The following DDX46 variants were observed in gnomAD, a reference collection of about 807,000 sequenced individuals.
DDX46 encodes probable ATP-dependent RNA helicase DDX46.
In DDX46, 30 loss-of-function variants were observed where a neutral mutation model predicts 134.9. The observed-to-expected ratio is 0.22, with a 90% CI of 0.17 to 0.30. DDX46 has a LOEUF of 0.30. Among genes scored for constraint, DDX46 ranks in the 10% least tolerant of loss-of-function variants. DDX46 has a pLI of 1.00. For synonymous variants in DDX46, 415 were observed against 404.1 expected (o/e 1.03, Z -0.32); for missense variants, 622 against 1,248.7 (o/e 0.50, Z 7.56).
intron 1 of DDX46, among the ~76,000 whole-genome samples, chr5:134,759,323 C>T (rs143386385): frequency 1.3e-5 from 2 of 152,310 alleles, no homozygotes; most frequent in African/African-American, 4.8e-5. Flanking sequence ...CGACTCCTGT[C>T]ATTCTGTATT....
intron 16 of DDX46, 118 bp downstream of exon 16, chr5:134,808,059 T>TA: frequency 1.1e-6 from 1 of 939,634 alleles, no homozygotes; most frequent in Non-Finnish European, 1.5e-6. Flanking sequence ...TTAATCCACA[T>TA]AATGTGAAGA....
chr5:134,813,764 C>T (rs565200980), intron 18 of DDX46, among the ~76,000 whole-genome samples: 2 of 151,996 alleles, frequency 1.3e-5, no homozygotes, highest in Non-Finnish European at 2.9e-5. Flanking sequence ...TATGGGTGCA[C>T]CACCATGCCC....
chr5:134,766,713 C>T (rs1236592580), intron 2 of DDX46, among the ~76,000 whole-genome samples: 1 of 152,158 alleles, frequency 6.6e-6, no homozygotes, highest in Non-Finnish European at 1.5e-5. Flanking sequence ...AGGTGTGAGA[C>T]TTTGTCTTTA....
chr5:134,800,794 G>C (rs1443081536), intron 15 of DDX46, among the ~76,000 whole-genome samples: 3 of 152,112 alleles, frequency 2.0e-5, no homozygotes, highest in Admixed American at 2.0e-4. Context: ...TCCTGCCTCA[G>C]CCTCCTAAGT....
chr5:134,815,155 A>G (rs1360860188), intron 18 of DDX46, among the ~76,000 whole-genome samples: 2 of 152,202 alleles, frequency 1.3e-5, no homozygotes, highest in Non-Finnish European at 2.9e-5. Flanking sequence ...AGGCCGAGAT[A>G]TGAGGAACCC....
chr5:134,820,839 TTAGAG>T (rs1755422235), intron 21 of DDX46, among the ~76,000 whole-genome samples: 1 of 151,810 alleles, frequency 6.6e-6, no homozygotes, highest in African/African-American at 2.4e-5. Flanking sequence ...CTTTTTTGTG[TTAGAG>T]TAATCTTTTC....
chr5:134,827,412 T>C, intron 22 of DDX46, among the ~76,000 whole-genome samples: 1 of 152,094 alleles, frequency 6.6e-6, no homozygotes, highest in East Asian at 1.9e-4. Flanking sequence ...GTAGCTGGGA[T>C]TACAGGCGCA....
intron 15 of DDX46, among the ~76,000 whole-genome samples, chr5:134,801,454 A>G (rs1754825856): frequency 2.0e-5 from 3 of 151,744 alleles, no homozygotes; most frequent in Admixed American, 1.3e-4. Context: ...GTACAGTGGC[A>G]CTCTCTCAGC....
chr5:134,794,048 G>C (rs1175456091), intron 13 of DDX46, among the ~76,000 whole-genome samples: 2 of 152,194 alleles, frequency 1.3e-5, no homozygotes, highest in African/African-American at 2.4e-5. Flanking sequence ...TTCAGCTTGA[G>C]AGGTCCGGGC....
At chr5:134,777,455 A>G (rs1425517155) in intron 5 of DDX46, 119 bp from the exon 6 acceptor site, 1 of 1,097,922 alleles carries the variant, frequency 9.1e-7, no homozygotes, top group African/African-American at 1.6e-5. Flanking sequence ...TGGCTGGAGT[A>G]ATTGGAAAAG....
At chr5:134,762,464 CA>C (rs1313707765) in intron 1 of DDX46, among the ~76,000 whole-genome samples, 2 of 151,950 alleles carry the variant, frequency 1.3e-5, no homozygotes, top group Non-Finnish European at 1.5e-5. Context: ...TGCGGTGGCT[CA>C]TGCCTGTAAT....
chr5:134,771,421 G>A (rs557978481), intron 4 of DDX46, among the ~76,000 whole-genome samples: 8 of 138,564 alleles, frequency 5.8e-5, no homozygotes, highest in Admixed American at 2.1e-4. Flanking sequence ...GGCCAGGCAC[G>A]GTGGCTCACG....
chr5:134,818,491 C>T (rs1316776521), intron 20 of DDX46, among the ~76,000 whole-genome samples: 4 of 150,016 alleles, frequency 2.7e-5, no homozygotes, highest in African/African-American at 7.3e-5. Flanking sequence ...CACCTGAGGT[C>T]GGGAGGTCGA....
intron 2 of DDX46, among the ~76,000 whole-genome samples, chr5:134,765,143 A>G (rs756816088): frequency 6.0e-5 from 9 of 149,706 alleles, no homozygotes; most frequent in Non-Finnish European, 1.2e-4. Context: ...ATCTAGGCTC[A>G]CTGGAACCTC....
chr5:134,794,482 T>C (rs1017358522), intron 13 of DDX46, among the ~76,000 whole-genome samples: 1 of 152,210 alleles, frequency 6.6e-6, no homozygotes, highest in Non-Finnish European at 1.5e-5. Flanking sequence ...CCTCTTTTTG[T>C]CTGTTTTTGT....
chr5:134,791,944 G>A (rs1433558350), intron 13 of DDX46, among the ~76,000 whole-genome samples: 1 of 152,142 alleles, frequency 6.6e-6, no homozygotes, highest in African/African-American at 2.4e-5. Flanking sequence ...TTGGGAGGCC[G>A]AGGCAGGCAG....
chr5:134,811,506 T>TAA, intron 17 of DDX46, 148 bp downstream of exon 17: 1 of 1,213,116 alleles, frequency 8.2e-7, no homozygotes, highest in Non-Finnish European at 1.1e-6. Flanking sequence ...GAGTGAAAGC[T>TAA]AAAATCCTAT....
chr5:134,825,970 T>C (rs1170191722), intron 21 of DDX46: 1 of 152,248 alleles, frequency 6.6e-6, no homozygotes, highest in African/African-American at 2.4e-5. Flanking sequence ...TCTTAATATC[T>C]TAATTTGTTT....
At chr5:134,772,617 C>T (rs1753808880) in intron 4 of DDX46, among the ~76,000 whole-genome samples, 1 of 152,146 alleles carries the variant, frequency 6.6e-6, no homozygotes, top group Non-Finnish European at 1.5e-5. Flanking sequence ...AGTTCCCCTG[C>T]CTCAGCCTCC....
Sources: allele counts gnomAD v4.1 joint callset (sites outside exome capture counted in the v4.1 genomes callset), GRCh38; gene constraint gnomAD v4.1.1; transcripts MANE v1.5; gene names NCBI Gene and HGNC (gene_info 2026-07-23, HGNC 2026-07-21).